Variants in CCSER2 observed in about 807,000 individuals in gnomAD.
CCSER2 encodes the protein serine-rich coiled-coil domain-containing protein 2.
CCSER2 carries 46 observed loss-of-function variants against 92.3 expected under a neutral mutation model. The ratio of observed to expected loss-of-function variants is 0.50; its 90% confidence interval spans 0.39 to 0.64. CCSER2 has a LOEUF of 0.64. CCSER2 is among the 30% of genes least tolerant of loss of function. The probability of loss-of-function intolerance (pLI) is 0.00; values close to 1 mark genes in which losing one functional copy is unlikely to be tolerated. For synonymous variants in CCSER2, 433 were observed against 431.4 expected (o/e 1.00, Z -0.04); for missense variants, 1,244 against 1,238.9 (o/e 1.00, Z -0.06).
At chr10:84,373,553 CTT>C (rs1216218672) in intron 2 of CCSER2, 64 bp from the exon 3 acceptor site, 2 of 1,247,306 alleles carry the variant, frequency 1.6e-6, no homozygotes, top group Non-Finnish European at 2.3e-6. Context: ...ATTATTAGCA[CTT>C]ATATTTTTAG....
chr10:84,419,059 G>A (rs118145416), intron 4 of CCSER2, among the ~76,000 whole-genome samples: 2,540 of 152,164 alleles, frequency 0.017, 28 homozygotes, highest in Middle Eastern at 0.027. Context: ...TAAAACGTAA[G>A]ATTTACAGAA....
At chr10:84,425,486 A>C (rs1275235458) in intron 4 of CCSER2, among the ~76,000 whole-genome samples, 1 of 152,204 alleles carries the variant, frequency 6.6e-6, no homozygotes, top group East Asian at 1.9e-4. Flanking sequence ...GTGGCAGTTA[A>C]TTGTTTACAT....
intron 2 of CCSER2, 51 bp downstream of exon 2, chr10:84,372,520 T>G (rs1180432594): frequency 9.8e-7 from 1 of 1,015,454 alleles, no homozygotes; most frequent in Non-Finnish European, 1.5e-6. Context: ...ATAATATAAC[T>G]GAACTTACAT....
At chr10:84,416,050 G>C (rs573008538) in intron 3 of CCSER2, among the ~76,000 whole-genome samples, 1 of 152,146 alleles carries the variant, frequency 6.6e-6, no homozygotes, top group African/African-American at 2.4e-5. Flanking sequence ...CTACCTGGAC[G>C]CCACACAGCT....
At chr10:84,447,464 T>G (rs1384651881) in intron 6 of CCSER2, among the ~76,000 whole-genome samples, 3 of 152,222 alleles carry the variant, frequency 2.0e-5, no homozygotes, top group Non-Finnish European at 2.9e-5. Context: ...TTATATGTGT[T>G]GCAAATATTA....
intron 3 of CCSER2, among the ~76,000 whole-genome samples, chr10:84,374,623 C>A (rs1846235072): frequency 6.6e-6 from 1 of 152,188 alleles, no homozygotes; most frequent in Admixed American, 6.5e-5. Context: ...TTGTGTGTGC[C>A]TGGAAGGCAA....
At chr10:84,491,389 C>T (rs918516513) in intron 9 of CCSER2, among the ~76,000 whole-genome samples, 5 of 152,222 alleles carry the variant, frequency 3.3e-5, no homozygotes, top group Non-Finnish European at 7.3e-5. Flanking sequence ...GGGCTCCACC[C>T]AGTTCGAGCT....
chr10:84,502,572 C>T (rs1044900088), intron 9 of CCSER2, among the ~76,000 whole-genome samples: 1 of 151,944 alleles, frequency 6.6e-6, no homozygotes, highest in Non-Finnish European at 1.5e-5. Flanking sequence ...GAGGTTTCAC[C>T]GTGTTAGCCA....
chr10:84,438,587 G>A lies in CCSER2; in HGVS notation c.1944G>A (p.Lys648=). 1 of 1,613,346 alleles carries A rather than the reference G, an allele frequency of 6.2e-7. No individual in the cohort carries two copies. Among genetic ancestry groups the A allele is most frequent in the South Asian group, 1.1e-5 (1 of 91,056 alleles). ...YGGMPFFQAQ[K]MFVDVPENTV... is the part of the protein sequence containing the mutation. ...GGATGCCCTTTTTCCAGGCTCAGAA[G>A]ATGTTTGTTGATGTACCAGAAAATA... Residue 648 remains lysine (K), a synonymous_variant, in exon 6 of 10, where the codon AAG becomes AAA. Transcript: ENST00000372088.
chr10:84,385,555 T>C (rs1841154379), intron 3 of CCSER2, among the ~76,000 whole-genome samples: 1 of 152,106 alleles, frequency 6.6e-6, no homozygotes, highest in Non-Finnish European at 1.5e-5. Context: ...GCTAGCCATG[T>C]GAAGAAGAAT....
At chr10:84,332,443 T>A (rs1843630969) in intron 1 of CCSER2, among the ~76,000 whole-genome samples, 2 of 122,828 alleles carry the variant, frequency 1.6e-5, no homozygotes, top group African/African-American at 6.4e-5. Flanking sequence ...TATATTTTTT[T>A]TTTTTTTTTT....
intron 9 of CCSER2, among the ~76,000 whole-genome samples, chr10:84,489,429 G>C (rs1355318010): frequency 6.6e-6 from 1 of 152,048 alleles, no homozygotes; most frequent in Non-Finnish European, 1.5e-5. Flanking sequence ...CTCCTGTATT[G>C]GGTGCATATA....
rs556805550 is a variant in CCSER2 at position 84,339,692 on chromosome 10, C to T, written c.-40+10884C>T. Among the ~76,000 whole-genome samples the T allele has an allele frequency of 7.2e-5, 11 of 151,838 alleles. No homozygotes were observed. The East Asian group carries it at 2.0e-3, about 27-fold the overall frequency. The stretch of plus-strand genomic sequence containing the variant: ...GTTTCTCCATGTTGGTCAGGCTGGT[C>T]TCGAACTCCCAACCTCAGGTGATAT... On this transcript the variant is annotated intron_variant, in intron 1 of 9. Transcript: ENST00000372088.
intron 3 of CCSER2, chr10:84,391,074 T>G: frequency 1.3e-6 from 1 of 779,584 alleles, no homozygotes. Flanking sequence ...CAGAATATAT[T>G]CAGATGCTAA....
chr10:84,389,742 C>G (rs1037600059), intron 3 of CCSER2: 1 of 154,664 alleles, frequency 6.5e-6, no homozygotes, highest in Non-Finnish European at 1.4e-5. Context: ...TAAAAAGATC[C>G]GTGTTAGAAT....
chr10:84,464,078 C>G, intron 7 of CCSER2, 62 bp downstream of exon 7: 1 of 792,944 alleles, frequency 1.3e-6, no homozygotes. Context: ...AATAATGATA[C>G]AATGACAATG....
At chr10:84,407,480 C>T (rs574426860) in intron 3 of CCSER2, among the ~76,000 whole-genome samples, 104 of 151,248 alleles carry the variant, frequency 6.9e-4, no homozygotes, top group Middle Eastern at 3.4e-3. Flanking sequence ...TCATCCATGG[C>T]TTCTTGCTTA....
chr10:84,345,393 T>G (rs180902323), intron 1 of CCSER2, among the ~76,000 whole-genome samples: 62 of 152,304 alleles, frequency 4.1e-4, no homozygotes. Context: ...TTTAAAAGCA[T>G]TTAGTATTTT....
At chr10:84,476,657 A>T (rs1482583363) in intron 8 of CCSER2, among the ~76,000 whole-genome samples, 2 of 151,788 alleles carry the variant, frequency 1.3e-5, no homozygotes, top group Admixed American at 6.6e-5. Context: ...GTTAGCCAGG[A>T]TGGTCTGCTT....
Sources: allele counts gnomAD v4.1 joint callset (sites outside exome capture counted in the v4.1 genomes callset), GRCh38; gene constraint gnomAD v4.1.1; transcripts MANE v1.5; gene names NCBI Gene and HGNC (gene_info 2026-07-23, HGNC 2026-07-21).